FUBP3: variants seen among roughly 807,000 people sequenced by gnomAD.
FUBP3 encodes the protein far upstream element binding protein 3, also known as far upstream element-binding protein 3.
A neutral mutation model predicts 85.6 loss-of-function variants in FUBP3; 28 were observed. The observed-to-expected ratio is 0.33, with a 90% confidence interval of 0.24 to 0.45. The LOEUF (loss-of-function observed/expected upper bound fraction) is 0.45, where lower values mean the gene tolerates loss of function less well. FUBP3 is among the 20% of genes least tolerant of loss of function. FUBP3 has a pLI of 1.00. For missense variants in FUBP3, 583 were observed against 755.1 expected (o/e 0.77, Z 2.67); for synonymous variants, 271 against 271.4 (o/e 1.00, Z 0.01).
intron 2 of FUBP3, among the ~76,000 whole-genome samples, chr9:130,598,191 C>A (rs1430398909): frequency 6.6e-6 from 1 of 152,120 alleles, no homozygotes; most frequent in African/African-American, 2.4e-5. Context: ...GTGCTAATTT[C>A]TTTCAAATGT....
In FUBP3 at chr9:130,635,042, C is replaced by T. The variant is rs1005699665; in HGVS notation, c.1582+304C>T. On this transcript the variant is annotated intron_variant, in intron 17 of 18. Transcript: ENST00000319725. This position sits in a 1 kb window ranked among gnomAD's most constrained non-coding sequence, Gnocchi z 4.3. ...CACCTGGAAGTGTGGGCTCAGCTGGCGTCTGGTCTCCTTAGGGACTGAAAG... is the reference window on the plus strand; with the variant it reads ...CACCTGGAAGTGTGGGCTCAGCTGGTGTCTGGTCTCCTTAGGGACTGAAAG... Among the ~76,000 whole-genome samples the T allele has an allele frequency of 3.3e-5, 5 of 152,128 alleles. No homozygotes were observed. Among genetic ancestry groups the T allele is most frequent in the African/African-American group, 4.8e-5 (2 of 41,418 alleles).
rs1335137619 is a variant in FUBP3 at position 130,612,168 on chromosome 9, G to A, written c.225-288G>A. On this transcript the variant is annotated intron_variant, in intron 3 of 18. Coordinates refer to ENST00000319725, the MANE Select transcript of FUBP3 (RefSeq NM_003934.2). The surrounding 1 kb of genome is among the most constrained non-coding windows in gnomAD (Gnocchi z 4.1). ...GAATGAGGCAACACTGAGAGGTGCTGTATGAAGAAAAGGCAGCTGTTAGAG... is the reference window on the plus strand; with the variant it reads ...GAATGAGGCAACACTGAGAGGTGCTATATGAAGAAAAGGCAGCTGTTAGAG... Among the ~76,000 whole-genome samples, 1 of 152,218 alleles carries A rather than the reference G, an allele frequency of 6.6e-6. No homozygotes were observed. The highest frequency in any genetic ancestry group is 1.5e-5 in the Non-Finnish European group (1 of 68,038).
Position 130,579,725 on chromosome 9 carries a change from G to T in FUBP3, c.45G>T (p.Lys15Asn). ...VQGQSAPVGM[K>N]AEGFVDALHR... Reference sequence around the variant, plus strand: ...GGCAGAGCGCTCCTGTGGGGATGAAGGCCGAGGGCTTCGTGGATGCCCTGC... The same window carrying T: ...GGCAGAGCGCTCCTGTGGGGATGAATGCCGAGGGCTTCGTGGATGCCCTGC... Residue 15 changes from lysine to asparagine, a missense_variant, in exon 1 of 19, where the codon AAG (lysine) becomes AAT (asparagine). Lys to Asn is a moderately conservative substitution (Grantham distance 94, BLOSUM62 0). This residue lies in a region of FUBP3 where 177 missense variants were observed against 221.9 expected (regional missense o/e 0.80). Coordinates refer to ENST00000319725, the MANE Select transcript of FUBP3 (RefSeq NM_003934.2). The T allele has an allele frequency of 7.8e-7, 1 of 1,278,914 alleles. No homozygotes were observed. Among genetic ancestry groups the T allele is most frequent in the Non-Finnish European group, 9.9e-7 (1 of 1,009,258 alleles). The allele number at this position is 1,278,914 out of a possible 1,614,324, so 79.2% of individuals were successfully genotyped here. A position where few individuals can be genotyped will look rare whatever the true frequency, so the allele number is the denominator to read the frequency against.
chr9:130,600,793 C>G (rs1236961315), intron 2 of FUBP3, among the ~76,000 whole-genome samples: 1 of 151,948 alleles, frequency 6.6e-6, no homozygotes, highest in Non-Finnish European at 1.5e-5. Context: ...GGCAATATAG[C>G]AAGACCCCAT....
At chr9:130,598,057 C>T (rs1299698175) in intron 2 of FUBP3, among the ~76,000 whole-genome samples, 4 of 152,180 alleles carry the variant, frequency 2.6e-5, no homozygotes, top group Admixed American at 6.5e-5. Flanking sequence ...AGTGAAAATA[C>T]GCAATATAAA....
intron 3 of FUBP3, among the ~76,000 whole-genome samples, chr9:130,611,190 T>C (rs1300300914): frequency 2.6e-5 from 4 of 152,220 alleles, no homozygotes; most frequent in Admixed American, 6.5e-5. Flanking sequence ...TTTCTGAGAG[T>C]AGACAGAATA....
intron 1 of FUBP3, among the ~76,000 whole-genome samples, chr9:130,587,055 G>GGTT (rs1830373181): frequency 8.4e-6 from 1 of 119,370 alleles, no homozygotes; most frequent in African/African-American, 3.6e-5. Context: ...GGCGTTTTTT[G>GGTT]TTTTTTTTTT....
At chr9:130,619,303 A>T (rs570789319) in intron 8 of FUBP3, among the ~76,000 whole-genome samples, 3,637 of 137,914 alleles carry the variant, frequency 0.026, 59 homozygotes, top group Non-Finnish European at 0.037. Context: ...TGTATATTTC[A>T]TTTTTTTTTT....
intron 16 of FUBP3, among the ~76,000 whole-genome samples, chr9:130,633,743 C>T (rs1236897729): frequency 6.6e-6 from 1 of 152,228 alleles, no homozygotes; most frequent in Non-Finnish European, 1.5e-5. Flanking sequence ...TTCGCCCTGC[C>T]CCTGTGGGAG....
intron 18 of FUBP3, 120 bp downstream of exon 18, chr9:130,636,246 A>G (rs770434757): frequency 4.1e-5 from 42 of 1,012,252 alleles, no homozygotes; most frequent in Non-Finnish European, 3.6e-5. Flanking sequence ...TCTGGGCGCC[A>G]TAGCTCCTCA....
intron 1 of FUBP3, among the ~76,000 whole-genome samples, chr9:130,591,465 G>A (rs1244914178): frequency 4.0e-5 from 6 of 151,462 alleles, no homozygotes; most frequent in Non-Finnish European, 7.4e-5. Flanking sequence ...AGAGTAGCAC[G>A]CATTACAGTT....
intron 12 of FUBP3, among the ~76,000 whole-genome samples, chr9:130,629,026 C>G (rs1277386467): frequency 6.6e-6 from 1 of 152,242 alleles, no homozygotes; most frequent in Non-Finnish European, 1.5e-5. Context: ...GCCTTGGCCT[C>G]CCAAAGTGCT....
intron 3 of FUBP3, 84 bp downstream of exon 3, chr9:130,610,071 T>C (rs1298709993): frequency 8.9e-7 from 1 of 1,118,860 alleles, no homozygotes; most frequent in Non-Finnish European, 1.4e-6. Context: ...TGCTAGAAAG[T>C]CAGAGGTTGA....
chr9:130,581,679 C>T (rs1341466763), intron 1 of FUBP3: 2 of 152,144 alleles, frequency 1.3e-5, no homozygotes, highest in Non-Finnish European at 2.9e-5. Flanking sequence ...CAGCATGTTA[C>T]AGAGATGTGA....
At chr9:130,589,061 A>C (rs1483082385) in intron 1 of FUBP3, among the ~76,000 whole-genome samples, 1 of 152,168 alleles carries the variant, frequency 6.6e-6, no homozygotes, top group Admixed American at 6.5e-5. Context: ...GCAGGGACAC[A>C]TATGTGGATG....
intron 1 of FUBP3, among the ~76,000 whole-genome samples, chr9:130,589,114 T>C (rs1564190329): frequency 6.6e-6 from 1 of 152,120 alleles, no homozygotes; most frequent in Admixed American, 6.5e-5. Context: ...TATAGAGTTC[T>C]AGTAAGTATG....
rs1830398665 is a variant in FUBP3, at chr9:130,635,943, T to A, written c.1583-56T>A. 1 of 1,579,930 alleles carries A rather than the reference T, an allele frequency of 6.3e-7. No individual in the cohort carries two copies. Among genetic ancestry groups the A allele is most frequent in the Non-Finnish European group, 8.6e-7 (1 of 1,160,720 alleles). The stretch of plus-strand genomic sequence containing the variant: ...AGATGCCCAGGGCCTTTGGGAAGGG[T>A]CCTGCCCAGTGCACCTCCGCTCCCG... On this transcript the variant is annotated intron_variant, in intron 17 of 18. Coordinates refer to ENST00000319725, the MANE Select transcript of FUBP3 (RefSeq NM_003934.2). This position sits in a 1 kb window ranked among gnomAD's most constrained non-coding sequence, Gnocchi z 4.3.
chr9:130,594,989 G>A (rs1830798547), intron 1 of FUBP3, among the ~76,000 whole-genome samples: 1 of 151,676 alleles, frequency 6.6e-6, no homozygotes, highest in Non-Finnish European at 1.5e-5. Flanking sequence ...CACTTTGAGA[G>A]GCCAAGGGGG....
At chr9:130,587,929 T>C (rs919832072) in intron 1 of FUBP3, among the ~76,000 whole-genome samples, 6 of 152,134 alleles carry the variant, frequency 3.9e-5, no homozygotes, top group Non-Finnish European at 5.9e-5. Context: ...TGCCTAAGCA[T>C]AGGAGAGATG....
Sources: allele counts gnomAD v4.1 joint callset (sites outside exome capture counted in the v4.1 genomes callset), GRCh38; gene constraint gnomAD v4.1.1; regional missense constraint gnomAD v4.1.1; non-coding constraint Gnocchi (gnomAD v3.1); transcripts MANE v1.5; gene names NCBI Gene and HGNC (gene_info 2026-07-23, HGNC 2026-07-21).